Variants in GRM7 observed in about 807,000 individuals in gnomAD.
GRM7 encodes metabotropic glutamate receptor 7.
A neutral mutation model predicts 84.5 loss-of-function variants in GRM7; 35 were observed. The ratio of observed to expected loss-of-function variants is 0.41; its 90% CI spans 0.32 to 0.55. GRM7 has a LOEUF of 0.55. Among genes scored for constraint, GRM7 ranks in the 20% least tolerant of loss-of-function variants. The probability of loss-of-function intolerance (pLI) is 0.19; values close to 1 mark genes in which losing one functional copy is unlikely to be tolerated. For missense variants in GRM7, 1,003 were observed against 1,194.6 expected, an observed-to-expected ratio of 0.84 and a Z score of 2.36; for synonymous variants, 487 against 455.1, an observed-to-expected ratio of 1.07 and a Z score of -0.89.
chr3:7,102,087 A>C (rs57005466), intron 1 of GRM7, among the ~76,000 whole-genome samples: 2,999 of 151,820 alleles, frequency 0.02, 99 homozygotes, highest in African/African-American at 0.068. Flanking sequence ...TATATTTTAC[A>C]GCAACTAAGA....
chr3:6,895,377 G>A (rs1034646551), intron 1 of GRM7, among the ~76,000 whole-genome samples: 4 of 152,118 alleles, frequency 2.6e-5, no homozygotes, highest in South Asian at 4.1e-4. Context: ...CAAACAATAC[G>A]TTTTCAATAA....
At chr3:6,884,269 CT>C (rs1490043075) in intron 1 of GRM7, 1 of 152,578 alleles carries the variant, frequency 6.6e-6, no homozygotes, top group Non-Finnish European at 1.5e-5. Flanking sequence ...TGTTTGACCC[CT>C]GGAACTGTCC....
At chr3:7,058,275 C>G (rs991463208) in intron 1 of GRM7, among the ~76,000 whole-genome samples, 4 of 151,834 alleles carry the variant, frequency 2.6e-5, no homozygotes, top group Non-Finnish European at 5.9e-5. Context: ...TATGAAGTCT[C>G]AAACAAATAT....
chr3:7,159,804 A>G (rs952881325), intron 2 of GRM7, among the ~76,000 whole-genome samples: 1 of 152,166 alleles, frequency 6.6e-6, no homozygotes, highest in Non-Finnish European at 1.5e-5. Flanking sequence ...GACGTCTCCT[A>G]CTTTTCAAAA....
At chr3:7,006,573 G>T (rs1695188359) in intron 1 of GRM7, among the ~76,000 whole-genome samples, 2 of 152,248 alleles carry the variant, frequency 1.3e-5, no homozygotes, top group Admixed American at 6.5e-5. Flanking sequence ...AGTCTTTGTG[G>T]CTAACAAATC....
chr3:7,039,853 A>G (rs537452938), intron 1 of GRM7, among the ~76,000 whole-genome samples: 42 of 152,208 alleles, frequency 2.8e-4, no homozygotes, highest in African/African-American at 1.0e-3. Context: ...TCCCATTTCA[A>G]TGTTTTAGAA....
At chr3:6,960,506 CTG>C (rs368470943) in intron 1 of GRM7, among the ~76,000 whole-genome samples, 36 of 152,150 alleles carry the variant, frequency 2.4e-4, no homozygotes, top group African/African-American at 7.5e-4. Flanking sequence ...CCATTTTACT[CTG>C]TAACCACCAA....
chr3:7,732,296 A>T (rs948421635), intron 9 of GRM7, among the ~76,000 whole-genome samples: 9 of 152,192 alleles, frequency 5.9e-5, no homozygotes, highest in Middle Eastern at 3.2e-3. Flanking sequence ...TATACATTGC[A>T]CACTTCCCAA....
chr3:7,322,598 T>C (rs1365621504), intron 4 of GRM7, among the ~76,000 whole-genome samples: 5 of 151,774 alleles, frequency 3.3e-5, no homozygotes, highest in African/African-American at 1.2e-4. Context: ...ATTAAATCAT[T>C]CCTATGTCTT....
intron 9 of GRM7, chr3:7,694,601 A>G (rs1700946578): frequency 6.6e-6 from 1 of 152,466 alleles, no homozygotes; most frequent in Admixed American, 6.5e-5. Context: ...CCAAAATTTC[A>G]CTGTATTGTC....
At chr3:7,647,409 C>T (rs1698696904) in intron 8 of GRM7, among the ~76,000 whole-genome samples, 1 of 152,118 alleles carries the variant, frequency 6.6e-6, no homozygotes, top group Non-Finnish European at 1.5e-5. Context: ...GGGAAAGGAA[C>T]TGAATTGTTG....
At position 6,873,691 on chromosome 3, in the gene GRM7, C is replaced by T. The variant is rs115941972; in HGVS notation, c.519+11784C>T. Among the ~76,000 whole-genome samples the T allele has an allele frequency of 9.4e-3, 1,426 of 152,268 alleles. 23 individuals carry two copies. The highest frequency in any genetic ancestry group is 0.032 in the African/African-American group (1,349 of 41,548). On this transcript the variant is annotated intron_variant, in intron 1 of 9. Coordinates refer to ENST00000357716, the MANE Select transcript of GRM7 (RefSeq NM_000844.4). ...GCATGCCAGGTACTGTCTTTCCTAG[C>T]CTTATTCCATTATCCCCTAACTCCA...
intron 1 of GRM7, among the ~76,000 whole-genome samples, chr3:6,910,708 A>C (rs1696739333): frequency 6.6e-6 from 1 of 152,150 alleles, no homozygotes; most frequent in Admixed American, 6.6e-5. Flanking sequence ...CAACATAGCA[A>C]GAACCCACCT....
chr3:7,553,223 C>T (rs1315202035), intron 7 of GRM7, among the ~76,000 whole-genome samples: 1 of 152,192 alleles, frequency 6.6e-6, no homozygotes, highest in South Asian at 2.1e-4. Flanking sequence ...TGATCCAATT[C>T]CCAACAAGTT....
intron 1 of GRM7, among the ~76,000 whole-genome samples, chr3:7,039,725 A>G (rs1315712404): frequency 6.7e-6 from 1 of 148,900 alleles, no homozygotes; most frequent in East Asian, 2.0e-4. Context: ...AAAAAAAAAA[A>G]TCTCTCAGAA....
chr3:7,385,281 C>G (rs1251166451), intron 4 of GRM7, among the ~76,000 whole-genome samples: 1 of 105,254 alleles, frequency 9.5e-6, no homozygotes, highest in East Asian at 3.2e-4. Flanking sequence ...AATCTTATTT[C>G]TATATGGATT....
chr3:7,556,040 C>T (rs959579271), intron 7 of GRM7, among the ~76,000 whole-genome samples: 29 of 152,146 alleles, frequency 1.9e-4, no homozygotes, highest in African/African-American at 7.0e-4. Flanking sequence ...TAAACATAAA[C>T]TGAGTGGCTT....
chr3:6,966,200 A>G (rs1693511690), intron 1 of GRM7, among the ~76,000 whole-genome samples: 1 of 152,160 alleles, frequency 6.6e-6, no homozygotes, highest in Non-Finnish European at 1.5e-5. Context: ...TCCAGAATTT[A>G]TGTATTTTGG....
chr3:7,318,837 T>C (rs1700672319), intron 4 of GRM7, among the ~76,000 whole-genome samples: 1 of 152,134 alleles, frequency 6.6e-6, no homozygotes, highest in Non-Finnish European at 1.5e-5. Context: ...ATTTGTAATT[T>C]GTCTGAGAAA....
Sources: allele counts gnomAD v4.1 joint callset (sites outside exome capture counted in the v4.1 genomes callset), GRCh38; gene constraint gnomAD v4.1.1; transcripts MANE v1.5; gene names NCBI Gene and HGNC (gene_info 2026-07-23, HGNC 2026-07-21).